PLCL2: variants seen among roughly 807,000 people sequenced by gnomAD.
PLCL2 encodes phospholipase C like 2.
Under a neutral mutation model 79.6 loss-of-function variants are expected in PLCL2, and 4 were observed. That is an observed-to-expected ratio of 0.05 (90% confidence interval 0.02 to 0.11). The LOEUF (loss-of-function observed/expected upper bound fraction) is 0.11, where lower values mean the gene tolerates loss of function less well. PLCL2 is among the 10% of genes least tolerant of loss of function. The pLI is 1.00. For synonymous variants in PLCL2, 484 were observed against 457.7 expected, an observed-to-expected ratio of 1.06 and a Z score of -0.73; for missense variants, 895 against 1,291.0, an observed-to-expected ratio of 0.69 and a Z score of 4.70.
Position 17,043,775 on chromosome 3 carries a change from CA to C in PLCL2, c.3094+827del, listed in dbSNP as rs541923113. ...AGATTGAAGATAAGGATATGTGTGA[CA>C]TTTTTTTTCTAATATCTATTGAAAG... On this transcript the variant is annotated intron_variant, in intron 4 of 5. Coordinates refer to ENST00000615277, the MANE Select transcript of PLCL2 (RefSeq NM_001144382.2). 1.6e-4 allele frequency among the ~76,000 whole-genome samples: 24 copies of C among 152,050 alleles called. 1 individual carries two copies. In the East Asian group the frequency reaches 1.7e-3, roughly 11 times the overall value.
At position 17,010,213 on chromosome 3, in the gene PLCL2, G is replaced by C. The variant is rs1340288758; in HGVS notation, c.867G>C (p.Leu289=). Residue 289 remains leucine, a synonymous_variant, in exon 2 of 6, where the codon CTG becomes CTC. Coordinates refer to ENST00000615277, the MANE Select transcript of PLCL2 (RefSeq NM_001144382.2). The surrounding 1 kb of genome is among the most constrained non-coding windows in gnomAD (Gnocchi z 5.8). Reference sequence around the variant, plus strand: ...TAGATAACCTTGGACATATAACTCTGTGTAATGCTGTGCAATGTATCAGAA... The same window carrying C: ...TAGATAACCTTGGACATATAACTCTCTGTAATGCTGTGCAATGTATCAGAA... ...IDVDNLGHIT[L]CNAVQCIRNL... The C allele has an allele frequency of 4.3e-6, 7 of 1,614,090 alleles. No homozygotes were observed. The highest frequency in any genetic ancestry group is 1.7e-4 in the Middle Eastern group (1 of 6,058).
intron 1 of PLCL2, among the ~76,000 whole-genome samples, chr3:16,974,161 G>A (rs2124981560): frequency 6.6e-6 from 1 of 152,194 alleles, no homozygotes; most frequent in East Asian, 1.9e-4. Flanking sequence ...GGAGGTAGGG[G>A]CCAGTCCTTG....
intron 1 of PLCL2, among the ~76,000 whole-genome samples, chr3:16,987,351 G>A (rs1483296401): frequency 1.3e-5 from 2 of 152,102 alleles, no homozygotes; most frequent in Non-Finnish European, 2.9e-5. Context: ...GAAGGCCAGG[G>A]CTGAGTTCTG....
chr3:16,977,914 C>A (rs762083462), intron 1 of PLCL2, among the ~76,000 whole-genome samples: 3 of 152,198 alleles, frequency 2.0e-5, no homozygotes, highest in Non-Finnish European at 4.4e-5. Context: ...TGCATCCTCA[C>A]ATGGTGGAAG....
intron 1 of PLCL2, among the ~76,000 whole-genome samples, chr3:16,961,454 C>CT (rs1175600107): frequency 9.9e-5 from 15 of 152,062 alleles, no homozygotes; most frequent in African/African-American, 3.6e-4. Context: ...TGGAGGGAAA[C>CT]TTTATCTGAA....
intron 1 of PLCL2, among the ~76,000 whole-genome samples, chr3:16,953,144 A>G (rs994413695): frequency 6.6e-6 from 1 of 152,194 alleles, no homozygotes; most frequent in African/African-American, 2.4e-5. Context: ...TGACCAAGAC[A>G]TATTATGTGA....
chr3:17,002,459 C>G (rs930267673), intron 1 of PLCL2, among the ~76,000 whole-genome samples: 1 of 152,098 alleles, frequency 6.6e-6, no homozygotes, highest in Admixed American at 6.6e-5. Flanking sequence ...AGAGGAAAGA[C>G]TTTGAATTTT....
chr3:17,027,664 C>T lies in PLCL2; in HGVS notation c.3018+12753C>T, dbSNP rs966426440. ...TTTCCTTTCTTTCTTTTCTTCCTTC[C>T]TTTCCTTTAAAATGTACTCACTGCA... On this transcript the variant is annotated intron_variant, in intron 3 of 5. Coordinates refer to ENST00000615277, the MANE Select transcript of PLCL2 (RefSeq NM_001144382.2). 3.7e-4 allele frequency among the ~76,000 whole-genome samples: 57 copies of T among 152,166 alleles called. 1 individual carries two copies. The highest frequency in any genetic ancestry group is 6.8e-3 in the Middle Eastern group (2 of 294).
chr3:17,087,466 G>A (rs2065232330), intron 5 of PLCL2, among the ~76,000 whole-genome samples: 1 of 152,214 alleles, frequency 6.6e-6, no homozygotes, highest in African/African-American at 2.4e-5. Context: ...GAACTGTGGA[G>A]ACAATAAAAA....
intron 1 of PLCL2, among the ~76,000 whole-genome samples, chr3:16,919,438 A>G (rs1459427762): frequency 1.3e-5 from 2 of 152,084 alleles, no homozygotes; most frequent in Non-Finnish European, 2.9e-5. Flanking sequence ...CCAGAGATTT[A>G]TCAGTTTCAT....
chr3:17,081,478 A>G (rs1317329178), intron 5 of PLCL2: 3 of 280,998 alleles, frequency 1.1e-5, no homozygotes, highest in South Asian at 6.8e-5. Flanking sequence ...CTTTGAAAAA[A>G]TTAGCCAGAT....
At chr3:16,998,199 A>T (rs199709804) in intron 1 of PLCL2, among the ~76,000 whole-genome samples, 1 of 151,574 alleles carries the variant, frequency 6.6e-6, no homozygotes, top group African/African-American at 2.4e-5. Flanking sequence ...GAGGAAAATA[A>T]TTTTTTTTTC....
intron 4 of PLCL2, among the ~76,000 whole-genome samples, chr3:17,044,613 A>T (rs887333762): frequency 6.6e-6 from 1 of 152,184 alleles, no homozygotes; most frequent in Non-Finnish European, 1.5e-5. Context: ...TACCCATGAC[A>T]TCTGTTCTAA....
In PLCL2 at chr3:16,887,080, A is replaced by G. The variant is rs890060830; in HGVS notation, c.327+1714A>G. On this transcript the variant is annotated intron_variant, in intron 1 of 5. Coordinates refer to ENST00000615277, the MANE Select transcript of PLCL2 (RefSeq NM_001144382.2). The surrounding 1 kb of genome is among the most constrained non-coding windows in gnomAD (Gnocchi z 4.1). ...CGATAAGCAAGAAGGATGATTTGTT[A>G]GTATTTCTGATATATGGAATTGGGA... Among the ~76,000 whole-genome samples the G allele has an allele frequency of 6.6e-6, 1 of 152,238 alleles. No individual in the cohort carries two copies. The highest frequency in any genetic ancestry group is 1.5e-5 in the Non-Finnish European group (1 of 68,038).
chr3:16,938,398 T>G (rs1697595102), intron 1 of PLCL2, among the ~76,000 whole-genome samples: 1 of 152,090 alleles, frequency 6.6e-6, no homozygotes, highest in South Asian at 2.1e-4. Flanking sequence ...CGGAAAGAAA[T>G]ACAAGAAGCC....
At chr3:17,025,221 C>A (rs1472040198) in intron 3 of PLCL2, among the ~76,000 whole-genome samples, 2 of 152,148 alleles carry the variant, frequency 1.3e-5, no homozygotes, top group Non-Finnish European at 2.9e-5. Context: ...TCCTTATGTT[C>A]TTGATATCCT....
At chr3:17,020,432 C>T (rs1008476057) in intron 3 of PLCL2, among the ~76,000 whole-genome samples, 2 of 152,130 alleles carry the variant, frequency 1.3e-5, no homozygotes, top group East Asian at 1.9e-4. Flanking sequence ...ACAGGCAGTA[C>T]GGTGGTTCAC....
intron 1 of PLCL2, among the ~76,000 whole-genome samples, chr3:16,980,369 A>T (rs2063975757): frequency 7.1e-6 from 1 of 141,298 alleles, no homozygotes; most frequent in South Asian, 2.3e-4. Flanking sequence ...GGGGCTCCTC[A>T]CTTCTCAGAC....
chr3:17,017,007 T>C (rs942007903), intron 3 of PLCL2, among the ~76,000 whole-genome samples: 1 of 152,168 alleles, frequency 6.6e-6, no homozygotes, highest in Non-Finnish European at 1.5e-5. Flanking sequence ...TGATTTCTGC[T>C]CTATCAAGAG....
Sources: allele counts gnomAD v4.1 joint callset (sites outside exome capture counted in the v4.1 genomes callset), GRCh38; gene constraint gnomAD v4.1.1; non-coding constraint Gnocchi (gnomAD v3.1); transcripts MANE v1.5; gene names NCBI Gene and HGNC (gene_info 2026-07-23, HGNC 2026-07-21).